The following ZNF33A variants were observed in gnomAD, a reference collection of about 807,000 sequenced individuals.
The protein encoded by ZNF33A is brain my041 protein.
A neutral mutation model predicts 15.9 loss-of-function variants in ZNF33A; 9 were observed. That is an observed-to-expected ratio of 0.57 (90% confidence interval 0.34 to 0.99). The LOEUF (loss-of-function observed/expected upper bound fraction) is 0.99, where lower values mean the gene tolerates loss of function less well. ZNF33A is among the 50% of genes least tolerant of loss of function. The probability of loss-of-function intolerance (pLI) is 0.02; values close to 1 mark genes in which losing one functional copy is unlikely to be tolerated. For synonymous variants in ZNF33A, 294 were observed against 324.2 expected, an observed-to-expected ratio of 0.91 and a Z score of 1.00; for missense variants, 843 against 941.6, an observed-to-expected ratio of 0.90 and a Z score of 1.37.
chr10:38,012,501 G>A, intron 2 of ZNF33A, 151 bp downstream of exon 2: 2 of 934,776 alleles, frequency 2.1e-6, no homozygotes, highest in East Asian at 2.6e-5. Flanking sequence ...TCCCCATCTC[G>A]GTTCACTGCA....
At chr10:38,012,264 C>G (rs766079438) in intron 1 of ZNF33A, 34 bp from the exon 2 acceptor site, 37 of 1,601,418 alleles carry the variant, frequency 2.3e-5, no homozygotes, top group Middle Eastern at 1.7e-4. Flanking sequence ...CAGGCCAAAT[C>G]TTTCATGACC....
At chr10:38,064,991 TGAATAG>T (rs1230160372), downstream of ZNF33A, 1 of 151,880 alleles carries the variant, frequency 6.6e-6, no homozygotes, top group Non-Finnish European at 1.5e-5. Context: ...TATCTAACTC[TGAATAG>T]ATAGTGACTG....
chr10:38,057,864 G>A lies in ZNF33A; in HGVS notation c.*1304G>A. 1.0e-6 allele frequency: 1 copy of A among 985,428 alleles called. No individual in the cohort carries two copies. The allele number at this position is 985,428 out of a possible 1,614,324, so 61.0% of individuals were successfully genotyped here. The stretch of plus-strand genomic sequence containing the variant: ...AGCCCAGGGCTGCCCAGGGCTGTTG[G>A]ACTGTCATTTCAAGGCTCATTGTCC... On this transcript the variant is annotated 3_prime_UTR_variant, in exon 5 of 5. Transcript: ENST00000432900.
chr10:38,035,427 C>G (rs1319930102), intron 4 of ZNF33A, among the ~76,000 whole-genome samples: 3 of 152,026 alleles, frequency 2.0e-5, no homozygotes, highest in Admixed American at 6.6e-5. Context: ...TTTCCATTTA[C>G]TTTCATTATT....
chr10:38,015,033 TG>T (rs2064384164), intron 2 of ZNF33A, among the ~76,000 whole-genome samples: 2 of 152,020 alleles, frequency 1.3e-5, no homozygotes, highest in Admixed American at 6.6e-5. Context: ...CCACCACACC[TG>T]GCTAATGTTT....
At chr10:38,026,103 ACTTT>A (rs1564843020) in intron 4 of ZNF33A, among the ~76,000 whole-genome samples, 4 of 152,160 alleles carry the variant, frequency 2.6e-5, no homozygotes, top group Non-Finnish European at 5.9e-5. Context: ...AAGTATCAAG[ACTTT>A]CTTTTCTGGC....
At chr10:38,065,143 TCA>T (rs2066697897), downstream of ZNF33A, 1 of 152,632 alleles carries the variant, frequency 6.6e-6, no homozygotes. Flanking sequence ...CGATCTCGGC[TCA>T]CTGCAACCTC....
downstream of ZNF33A, among the ~76,000 whole-genome samples, chr10:38,065,974 G>A (rs949552400): frequency 1.4e-4 from 21 of 152,070 alleles, no homozygotes; most frequent in Non-Finnish European, 2.9e-5. Flanking sequence ...TTACCGACGT[G>A]AGCCACTGCC....
In ZNF33A at chr10:38,055,771, GC is replaced by G. The variant is rs2066446880; in HGVS notation, c.1648del (p.Gln550ArgfsTer47). 2 of 1,582,792 alleles carry G rather than the reference GC, an allele frequency of 1.3e-6. No individual in the cohort carries two copies. Among genetic ancestry groups the G allele is most frequent in the African/African-American group, 2.7e-5 (2 of 73,870 alleles). On this transcript the variant is annotated frameshift_variant, in exon 5 of 5. Coordinates refer to ENST00000432900, the MANE Select transcript of ZNF33A (RefSeq NM_006954.2). LOFTEE classifies it low-confidence loss of function (END_TRUNC). ...LTVHQRTHTG[Q>X]KPFACPECGK... ...CAGTACATCAGAGAACACACACAGG[GC>G]AGAAACCCTTTGCATGTCCCGAATG...
rs772338634 is a variant in ZNF33A, at chr10:38,031,420, A to G, written c.250+14034A>G. Among the ~76,000 whole-genome samples, 7 of 152,056 alleles carry G rather than the reference A, an allele frequency of 4.6e-5. No individual in the cohort carries two copies. In the South Asian group the frequency reaches 6.2e-4, roughly 14 times the overall value. On this transcript the variant is annotated intron_variant, in intron 4 of 4. Transcript: ENST00000432900. ...ACCCATCTCTACAAAAAGTAAAGACATTAGCCAGGTGTGGTGGTGCGTGCC... is the reference window on the plus strand; with the variant it reads ...ACCCATCTCTACAAAAAGTAAAGACGTTAGCCAGGTGTGGTGGTGCGTGCC...
rs572164398 is a variant in ZNF33A at position 38,040,759 on chromosome 10, G to A, written c.251-13616G>A. 2.6e-5 allele frequency among the ~76,000 whole-genome samples: 4 copies of A among 152,178 alleles called. No individual in the cohort carries two copies. The South Asian group carries it at 8.3e-4, about 32-fold the overall frequency. ...CCTGAGAATTGTTGCTTTTTGATTG[G>A]ATTTTCAAATCATTCCCTTTTTCCT... On this transcript the variant is annotated intron_variant, in intron 4 of 4. Transcript: ENST00000432900.
intron 4 of ZNF33A, among the ~76,000 whole-genome samples, chr10:38,027,984 T>A (rs2065053348): frequency 6.6e-6 from 1 of 152,126 alleles, no homozygotes; most frequent in Non-Finnish European, 1.5e-5. Flanking sequence ...TGATCATGAT[T>A]TTAAAAAATC....
chr10:38,039,312 T>A (rs2065592050), intron 4 of ZNF33A: 1 of 373,454 alleles, frequency 2.7e-6, no homozygotes, highest in South Asian at 2.0e-5. Context: ...CAGCCTGACT[T>A]CCCAGGCTCA....
At chr10:38,037,497 T>C (rs1590608835) in intron 4 of ZNF33A, among the ~76,000 whole-genome samples, 1 of 152,034 alleles carries the variant, frequency 6.6e-6, no homozygotes, top group East Asian at 1.9e-4. Context: ...CTAATGTCTT[T>C]GTATTTTTAG....
chr10:38,046,038 A>G (rs1005700080), intron 4 of ZNF33A, among the ~76,000 whole-genome samples: 7 of 152,180 alleles, frequency 4.6e-5, no homozygotes, highest in African/African-American at 1.4e-4. Flanking sequence ...TCAATGACCT[A>G]GGTGGGCATT....
At position 38,056,566 on chromosome 10, in the gene ZNF33A, C is replaced by T; in HGVS notation, c.*6C>T. 6.4e-7 allele frequency: 1 copy of T among 1,551,276 alleles called. No homozygotes were observed. The highest frequency in any genetic ancestry group is 8.7e-7 in the Non-Finnish European group (1 of 1,152,692). On this transcript the variant is annotated 3_prime_UTR_variant, in exon 5 of 5. Coordinates refer to ENST00000432900, the MANE Select transcript of ZNF33A (RefSeq NM_006954.2). Reference sequence around the variant, plus strand: ...ACATCCTGAATGTTCAGTAACTATCCACAAACTCACCTTATGTTACTCCAA... The same window carrying T: ...ACATCCTGAATGTTCAGTAACTATCTACAAACTCACCTTATGTTACTCCAA...
downstream of ZNF33A, among the ~76,000 whole-genome samples, chr10:38,061,296 A>C (rs1435524648): frequency 6.6e-6 from 1 of 152,072 alleles, no homozygotes; most frequent in Non-Finnish European, 1.5e-5. Context: ...CTGCTCCTTC[A>C]CTTGCTGCCA....
rs1224427887 is a variant in ZNF33A, at chr10:38,056,049, G to A, written c.1925G>A (p.Cys642Tyr). The change falls in exon 5 of 5, where the codon TGT becomes TAT. Residue 642 changes from cysteine to tyrosine, a missense_variant. Cys to Tyr is a radical substitution (Grantham distance 194, BLOSUM62 -2). Coordinates refer to ENST00000432900, the MANE Select transcript of ZNF33A (RefSeq NM_006954.2). ...IGEKPYKCNECGKAFCHKSAL... is the reference protein window; with the variant it reads ...IGEKPYKCNEYGKAFCHKSAL... Reference sequence around the variant, plus strand: ...GAGAAACCCTATAAATGTAATGAGTGTGGAAAAGCTTTCTGCCATAAGTCA... The same window carrying A: ...GAGAAACCCTATAAATGTAATGAGTATGGAAAAGCTTTCTGCCATAAGTCA... The A allele has an allele frequency of 3.7e-6, 6 of 1,613,966 alleles. No homozygotes were observed. Among genetic ancestry groups the A allele is most frequent in the Middle Eastern group, 1.6e-4 (1 of 6,084 alleles).
intron 4 of ZNF33A, among the ~76,000 whole-genome samples, chr10:38,043,552 T>C (rs2065810765): frequency 6.6e-6 from 1 of 151,398 alleles, no homozygotes; most frequent in South Asian, 2.1e-4. Flanking sequence ...ATTCTGTAAG[T>C]CTTAGCTTCT....
Sources: gnomAD v4.1 joint callset for allele counts (sites outside exome capture counted in the v4.1 genomes callset) on GRCh38, gnomAD v4.1.1 for gene constraint, MANE v1.5 for transcripts, NCBI Gene and HGNC (gene_info 2026-07-23, HGNC 2026-07-21) for gene names.